The following CTNNA3 variants were observed in gnomAD, a reference collection of about 807,000 sequenced individuals.
CTNNA3 encodes catenin alpha-3.
Under a neutral mutation model 95.7 loss-of-function variants are expected in CTNNA3, and 76 were observed. That is an observed-to-expected ratio of 0.79 (90% CI 0.66 to 0.96). CTNNA3 has a LOEUF of 0.96. Among genes scored for constraint, CTNNA3 ranks in the 40% least tolerant of loss-of-function variants. The pLI is 0.00. For missense variants in CTNNA3, 1,191 were observed against 1,089.8 expected, an observed-to-expected ratio of 1.09 and a Z score of -1.31; for synonymous variants, 431 against 374.4, an observed-to-expected ratio of 1.15 and a Z score of -1.74.
At position 67,049,625 on chromosome 10, in the gene CTNNA3, A is replaced by T. The variant is rs752984345; in HGVS notation, c.1047+130692T>A. Among the ~76,000 whole-genome samples the T allele has an allele frequency of 1.0e-3, 159 of 152,136 alleles. 5 individuals are homozygous for T. Among genetic ancestry groups the T allele is most frequent in the Non-Finnish European group, 3.7e-4 (25 of 68,002 alleles). On this transcript the variant is annotated intron_variant, in intron 7 of 17. Coordinates refer to ENST00000433211, the MANE Select transcript of CTNNA3 (RefSeq NM_013266.4). The stretch of plus-strand genomic sequence containing the variant: ...AAAGGGAAAATAAACAACAAAACTA[A>T]AACAACCATTGAACCAACACACCTG...
chr10:66,899,515 G>T (rs78131077), intron 7 of CTNNA3, among the ~76,000 whole-genome samples: 3,237 of 152,258 alleles, frequency 0.021, 94 homozygotes, highest in African/African-American at 0.068. Context: ...AGTGGGTGCA[G>T]CCCACGGAGG....
In CTNNA3 at chr10:66,130,868, A is replaced by C. The variant is rs533711032; in HGVS notation, c.1885-27619T>G. Among the ~76,000 whole-genome samples the C allele has an allele frequency of 1.7e-3, 253 of 151,312 alleles. 3 individuals carry two copies. Among genetic ancestry groups the C allele is most frequent in the African/African-American group, 5.8e-3 (241 of 41,312 alleles). ...AGACTCCGTCTCAAAAACAAACAAA[A>C]AAAAAAAAAAAAGAAAGAAATACAG... On this transcript the variant is annotated intron_variant, in intron 13 of 17. Transcript: ENST00000433211.
At chr10:67,146,413 C>T (rs1329319060) in intron 7 of CTNNA3, among the ~76,000 whole-genome samples, 1 of 152,162 alleles carries the variant, frequency 6.6e-6, no homozygotes, top group Non-Finnish European at 1.5e-5. Context: ...TGAGCATACT[C>T]GTATTCTCCT....
At position 66,927,179 on chromosome 10, in the gene CTNNA3, CCTGG is replaced by C. The variant is rs1159726140; in HGVS notation, c.1048-151659_1048-151656del. ...CAATTTAAAGGGCTCAACCAGCTCA[CCTGG>C]CTATACCTTGACCATAACCATATCA... is the stretch of plus-strand genomic sequence containing the variant. On this transcript the variant is annotated intron_variant, in intron 7 of 17. Transcript: ENST00000433211. This position sits in a 1 kb window ranked among gnomAD's most constrained non-coding sequence, Gnocchi z 4.7. The C allele has an allele frequency of 6.2e-7, 1 of 1,614,188 alleles. No homozygotes were observed.
chr10:67,741,491 C>T (rs371276593), intron 1 of CTNNA3, among the ~76,000 whole-genome samples: 1 of 150,652 alleles, frequency 6.6e-6, no homozygotes, highest in Non-Finnish European at 1.5e-5. Context: ...TGCCCTAAAA[C>T]AGCTCCTGAA....
intron 7 of CTNNA3, among the ~76,000 whole-genome samples, chr10:67,116,134 G>A (rs1036404534): frequency 4.0e-5 from 6 of 151,720 alleles, no homozygotes; most frequent in African/African-American, 1.5e-4. Flanking sequence ...TGCAGCAGTG[G>A]TATAATAATT....
intron 2 of CTNNA3, among the ~76,000 whole-genome samples, chr10:67,642,248 C>T (rs1200097332): frequency 6.6e-6 from 1 of 151,902 alleles, no homozygotes; most frequent in Admixed American, 6.6e-5. Context: ...AGTGAACAGA[C>T]AACCTACAGA....
intron 13 of CTNNA3, among the ~76,000 whole-genome samples, chr10:66,196,567 T>A (rs1019798554): frequency 8.5e-5 from 13 of 152,190 alleles, no homozygotes; most frequent in Admixed American, 2.6e-4. Flanking sequence ...TGATTCACAT[T>A]AGGATTAACT....
In CTNNA3 at chr10:67,392,226, C is replaced by T. The variant is rs187005498; in HGVS notation, c.579+129616G>A. Reference sequence around the variant, plus strand: ...ATTTACAAGAAAAAAACAAACAACCCCATCAAAAAGTGGGCAAAGGACAAG... The same window carrying T: ...ATTTACAAGAAAAAAACAAACAACCTCATCAAAAAGTGGGCAAAGGACAAG... On this transcript the variant is annotated intron_variant, in intron 5 of 17. Coordinates refer to ENST00000433211, the MANE Select transcript of CTNNA3 (RefSeq NM_013266.4). Among the ~76,000 whole-genome samples, 18 of 152,168 alleles carry T rather than the reference C, an allele frequency of 1.2e-4. No individual in the cohort carries two copies. In the East Asian group the frequency reaches 3.5e-3, roughly 29 times the overall value.
chr10:67,406,891 A>T (rs951795952), intron 5 of CTNNA3, among the ~76,000 whole-genome samples: 1 of 152,156 alleles, frequency 6.6e-6, no homozygotes, highest in Non-Finnish European at 1.5e-5. Context: ...CCCTGAACAG[A>T]TCAACAACAA....
intron 5 of CTNNA3, among the ~76,000 whole-genome samples, chr10:67,354,688 C>T (rs1475755026): frequency 6.6e-6 from 1 of 151,742 alleles, no homozygotes; most frequent in African/African-American, 2.4e-5. Flanking sequence ...GCAAAAGTAT[C>T]CATATTAATA....
At chr10:66,033,521 T>C (rs527858888) in intron 15 of CTNNA3, among the ~76,000 whole-genome samples, 99 of 152,110 alleles carry the variant, frequency 6.5e-4, no homozygotes, top group Non-Finnish European at 1.2e-3. Context: ...TGCATACATG[T>C]ATGCACATGT....
At chr10:66,051,275 A>G (rs867247608) in intron 15 of CTNNA3, among the ~76,000 whole-genome samples, 20 of 152,370 alleles carry the variant, frequency 1.3e-4, no homozygotes, top group Middle Eastern at 6.8e-3. Context: ...CGTGAAGACC[A>G]TAATCCTGTG....
chr10:65,920,485 C>G lies in CTNNA3; in HGVS notation c.2533G>C (p.Val845Leu). 6.2e-7 allele frequency: 1 copy of G among 1,614,150 alleles called. No homozygotes were observed. The highest frequency in any genetic ancestry group is 1.1e-5 in the South Asian group (1 of 91,080). ...IQSPAGPRHP[V>L]VMWRMKAPAK... Reference sequence around the variant, plus strand: ...GGAGCCTTCATTCTCCACATCACAACTGGGTGCCGGGGCCCAGCAGGACTC... The same window carrying G: ...GGAGCCTTCATTCTCCACATCACAAGTGGGTGCCGGGGCCCAGCAGGACTC... The change falls in exon 18 of 18, where the codon GTT becomes CTT. Residue 845 changes from valine to leucine, a missense_variant. By Grantham distance (32) the Val-to-Leu change is conservative. Transcript: ENST00000433211.
At chr10:67,338,402 G>A (rs116628509) in intron 5 of CTNNA3, among the ~76,000 whole-genome samples, 1 of 152,194 alleles carries the variant, frequency 6.6e-6, no homozygotes, top group African/African-American at 2.4e-5. Flanking sequence ...GAGGGACCGA[G>A]GGACCTGCCC....
At chr10:66,037,280 T>C (rs937099346) in intron 15 of CTNNA3, among the ~76,000 whole-genome samples, 1 of 152,170 alleles carries the variant, frequency 6.6e-6, no homozygotes, top group Non-Finnish European at 1.5e-5. Context: ...GTCAGAATAG[T>C]TCAGGACTAA....
intron 11 of CTNNA3, among the ~76,000 whole-genome samples, chr10:66,399,665 G>A (rs1205669477): frequency 6.6e-6 from 1 of 151,840 alleles, no homozygotes; most frequent in African/African-American, 2.4e-5. Context: ...GATCTATGCT[G>A]TCATCTAAAA....
At position 67,219,665 on chromosome 10, in the gene CTNNA3, A is replaced by G. The variant is rs1864557693; in HGVS notation, c.785T>C (p.Met262Thr). ...ISNASQGIQNMTTPPEPQAAT... is the reference protein window; with the variant it reads ...ISNASQGIQNTTTPPEPQAAT... Reference sequence around the variant, plus strand: ...TGCCTGAGGTTCTGGTGGGGTTGTCATATTCTGGATCCCTTGTGAAGCATT... The same window carrying G: ...TGCCTGAGGTTCTGGTGGGGTTGTCGTATTCTGGATCCCTTGTGAAGCATT... The change falls in exon 6 of 18, where the codon ATG (methionine) becomes ACG (threonine). Residue 262 changes from methionine (M) to threonine (T), a missense_variant. Met to Thr is a moderately conservative substitution (Grantham distance 81). Coordinates refer to ENST00000433211, the MANE Select transcript of CTNNA3 (RefSeq NM_013266.4). 1 of 1,614,150 alleles carries G rather than the reference A, an allele frequency of 6.2e-7. No individual in the cohort carries two copies. The highest frequency in any genetic ancestry group is 2.2e-5 in the East Asian group (1 of 44,876).
At chr10:66,683,637 A>G (rs919567835) in intron 9 of CTNNA3, among the ~76,000 whole-genome samples, 273 of 106,352 alleles carry the variant, frequency 2.6e-3, no homozygotes, top group Non-Finnish European at 3.8e-3. Flanking sequence ...AGTCATCAAC[A>G]TGGGAATGCT....
Sources: allele counts gnomAD v4.1 joint callset (sites outside exome capture counted in the v4.1 genomes callset), GRCh38; gene constraint gnomAD v4.1.1; non-coding constraint Gnocchi (gnomAD v3.1); transcripts MANE v1.5; gene names NCBI Gene and HGNC (gene_info 2026-07-23, HGNC 2026-07-21).